KAZN: variants seen among roughly 807,000 people sequenced by gnomAD.
The protein encoded by KAZN is kazrin.
Under a neutral mutation model 87.4 loss-of-function variants are expected in KAZN, and 40 were observed. That is an observed-to-expected ratio of 0.46 (90% CI 0.36 to 0.60). The LOEUF (loss-of-function observed/expected upper bound fraction) is 0.60. Ranked by LOEUF, KAZN falls within the 20% of genes least tolerant of loss-of-function variation. The pLI is 0.00. For missense variants in KAZN, 898 were observed against 1,073.9 expected (o/e 0.84, Z 2.29); for synonymous variants, 466 against 458.3 (o/e 1.02, Z -0.22).
chr1:15,007,964 C>G (rs1573046831), intron 2 of KAZN, among the ~76,000 whole-genome samples: 1 of 152,172 alleles, frequency 6.6e-6, no homozygotes, highest in Admixed American at 6.5e-5. Context: ...GCGGCCCCTG[C>G]GAGTGGGACT....
intron 2 of KAZN, among the ~76,000 whole-genome samples, chr1:14,474,894 A>G (rs1459457348): frequency 6.6e-6 from 1 of 152,166 alleles, no homozygotes; most frequent in African/African-American, 2.4e-5. Flanking sequence ...GAAAGAATGG[A>G]AGAATGCATT....
chr1:14,371,886 C>T (rs34099482), intron 2 of KAZN, among the ~76,000 whole-genome samples: 3,143 of 152,242 alleles, frequency 0.021, 44 homozygotes, highest in Non-Finnish European at 0.033. Flanking sequence ...TGGCGGTGAG[C>T]CTGAAATGCG....
At chr1:14,907,055 T>C (rs1322275152) in intron 1 of KAZN, among the ~76,000 whole-genome samples, 1 of 151,578 alleles carries the variant, frequency 6.6e-6, no homozygotes, top group African/African-American at 2.4e-5. Flanking sequence ...CAGCAACTCC[T>C]CGGAGTTTAT....
chr1:14,156,746 T>C (rs1040440276), intron 1 of KAZN, among the ~76,000 whole-genome samples: 1 of 152,184 alleles, frequency 6.6e-6, no homozygotes, highest in Admixed American at 6.5e-5. Flanking sequence ...GAAGCATGTA[T>C]CTTGAAGGCA....
intron 2 of KAZN, among the ~76,000 whole-genome samples, chr1:14,392,647 C>T (rs1238577621): frequency 4.6e-5 from 7 of 152,058 alleles, no homozygotes; most frequent in Non-Finnish European, 1.0e-4. Context: ...GGTTTCACAG[C>T]ATCCCTGACC....
chr1:14,088,365 T>G (rs556366745), intron 1 of KAZN, among the ~76,000 whole-genome samples: 2 of 152,086 alleles, frequency 1.3e-5, no homozygotes, highest in African/African-American at 4.8e-5. Context: ...AAATATTTTA[T>G]AATTTTATTA....
At chr1:14,766,308 T>C (rs1298260030) in intron 1 of KAZN, among the ~76,000 whole-genome samples, 3 of 151,858 alleles carry the variant, frequency 2.0e-5, no homozygotes, top group Non-Finnish European at 2.9e-5. Flanking sequence ...CAGCTGGAAG[T>C]TGCCCCCAGT....
chr1:14,864,158 G>A (rs2101031986), intron 1 of KAZN, among the ~76,000 whole-genome samples: 1 of 152,306 alleles, frequency 6.6e-6, no homozygotes, highest in Non-Finnish European at 1.5e-5. Flanking sequence ...TAAAGCAAGT[G>A]CAAGGGTCAC....
intron 1 of KAZN, among the ~76,000 whole-genome samples, chr1:13,947,959 T>C (rs1174635662): frequency 6.6e-6 from 1 of 152,180 alleles, no homozygotes; most frequent in Non-Finnish European, 1.5e-5. Flanking sequence ...GTCAGCAATT[T>C]CTGGGGTTAG....
At chr1:13,955,914 C>T (rs967236878) in intron 1 of KAZN, among the ~76,000 whole-genome samples, 20 of 152,124 alleles carry the variant, frequency 1.3e-4, no homozygotes, top group African/African-American at 4.6e-4. Flanking sequence ...CAGCCTGCGG[C>T]CCATGATTGT....
At chr1:14,028,467 T>C (rs1330846445) in intron 1 of KAZN, among the ~76,000 whole-genome samples, 1 of 152,170 alleles carries the variant, frequency 6.6e-6, no homozygotes, top group Non-Finnish European at 1.5e-5. Context: ...ACAAAGTGCA[T>C]TTCTATCACA....
chr1:14,643,386 C>T (rs529036606), intron 1 of KAZN, among the ~76,000 whole-genome samples: 1 of 152,274 alleles, frequency 6.6e-6, no homozygotes, highest in South Asian at 2.1e-4. Flanking sequence ...GTGTTCTTAT[C>T]ATTTAGCCCT....
chr1:14,272,097 T>G (rs1394125000), intron 2 of KAZN, among the ~76,000 whole-genome samples: 1 of 152,218 alleles, frequency 6.6e-6, no homozygotes, highest in Non-Finnish European at 1.5e-5. Context: ...ACTAATTACT[T>G]TGCTATGTCC....
chr1:14,050,792 C>T (rs576522618), intron 1 of KAZN, among the ~76,000 whole-genome samples: 3 of 152,304 alleles, frequency 2.0e-5, no homozygotes, highest in Admixed American at 6.5e-5. Flanking sequence ...GTGCTGAGGA[C>T]CCGGCCCATC....
At chr1:14,040,080 CGTGTGTGTGTGA>C (rs1222484614) in intron 1 of KAZN, among the ~76,000 whole-genome samples, 33 of 148,842 alleles carry the variant, frequency 2.2e-4, no homozygotes, top group East Asian at 2.2e-3. Context: ...TGTGTGTGCA[CGTGTGTGTGTGA>C]GAGAGAGAGA....
At chr1:14,030,070 T>G (rs1374015012) in intron 1 of KAZN, among the ~76,000 whole-genome samples, 2 of 151,952 alleles carry the variant, frequency 1.3e-5, no homozygotes, top group Admixed American at 1.3e-4. Context: ...TTGGGCAGTA[T>G]GGCCATTTTC....
intron 1 of KAZN, among the ~76,000 whole-genome samples, chr1:14,722,311 AT>A (rs541460646): frequency 1.3e-3 from 193 of 152,294 alleles, no homozygotes; most frequent in Non-Finnish European, 1.6e-3. Context: ...CACAGGGCAA[AT>A]GTGATATTGT....
At chr1:15,052,852 G>A (rs1368714849) in intron 4 of KAZN, among the ~76,000 whole-genome samples, 1 of 152,182 alleles carries the variant, frequency 6.6e-6, no homozygotes, top group East Asian at 1.9e-4. Context: ...AGGATGTCAA[G>A]CTGCCTACTG....
intron 1 of KAZN, among the ~76,000 whole-genome samples, chr1:13,927,656 G>A (rs1640337191): frequency 6.6e-6 from 1 of 151,460 alleles, no homozygotes; most frequent in South Asian, 2.1e-4. Context: ...TTTTAGGCAT[G>A]GAAAATACAG....
Sources: allele counts gnomAD v4.1 joint callset (sites outside exome capture counted in the v4.1 genomes callset), GRCh38; gene constraint gnomAD v4.1.1; transcripts MANE v1.5; gene names NCBI Gene and HGNC (gene_info 2026-07-23, HGNC 2026-07-21).